Variants in FGFR1 observed in about 807,000 individuals in gnomAD.
FGFR1 encodes the protein FGFR1/PLAG1 fusion.
A neutral mutation model predicts 93.7 loss-of-function variants in FGFR1; 18 were observed. The ratio of observed to expected loss-of-function variants is 0.19; its 90% CI spans 0.13 to 0.28. The LOEUF is 0.28. Among genes scored for constraint, FGFR1 ranks in the 10% least tolerant of loss-of-function variants. The pLI, the probability that FGFR1 is intolerant of heterozygous loss-of-function variation, is 1.00. For missense variants in FGFR1, 731 were observed against 1,080.4 expected (o/e 0.68, Z 4.53); for synonymous variants, 448 against 429.3 (o/e 1.04, Z -0.54).
At chr8:38,448,535 A>C (rs1830099085) in intron 2 of FGFR1, among the ~76,000 whole-genome samples, 1 of 152,192 alleles carries the variant, frequency 6.6e-6, no homozygotes, top group Non-Finnish European at 1.5e-5. Context: ...CCTAAACACT[A>C]ATGTTTTTAA....
At position 38,413,527 on chromosome 8, in the gene FGFR1, G is replaced by A. The variant is rs1048870079; in HGVS notation, c.*101C>T. ...CCTGGTAGGCAGCCGGCTCCTGCCA[G>A]CAGGAAAGGGGACAGGGACGGACAG... On this transcript the variant is annotated 3_prime_UTR_variant, in exon 18 of 18. Coordinates refer to ENST00000447712, the MANE Select transcript of FGFR1 (RefSeq NM_023110.3). This position sits in a 1 kb window ranked among gnomAD's most constrained non-coding sequence, Gnocchi z 4.2. The A allele has an allele frequency of 1.8e-5, 25 of 1,364,510 alleles. No homozygotes were observed. The highest frequency in any genetic ancestry group is 2.5e-5 in the Non-Finnish European group (25 of 1,006,786). 84.5% of individuals were successfully genotyped at this position (1,364,510 alleles called of 1,614,324 possible). A position where few individuals can be genotyped will look rare whatever the true frequency, so the allele number is the denominator to read the frequency against.
rs929652203 is a variant in FGFR1 at position 38,411,694 on chromosome 8, T to A, written c.*1934A>T. 5 of 230,640 alleles carry A rather than the reference T, an allele frequency of 2.2e-5. No individual in the cohort carries two copies. Among genetic ancestry groups the A allele is most frequent in the African/African-American group, 1.1e-4 (5 of 45,152 alleles). 14.3% of individuals were successfully genotyped at this position (230,640 alleles called of 1,614,324 possible). A position where few individuals can be genotyped will look rare whatever the true frequency, so the allele number is the denominator to read the frequency against. The stretch of plus-strand genomic sequence containing the variant: ...AGGAGTGGTAGTTTGAGCCATGAGG[T>A]ACGGGGGAGCCAGAATCCACTTAGT... On this transcript the variant is annotated 3_prime_UTR_variant, in exon 18 of 18. Transcript: ENST00000447712.
At chr8:38,420,232 C>T (rs932143517) in intron 8 of FGFR1, 41 of 175,574 alleles carry the variant, frequency 2.3e-4, no homozygotes, top group Middle Eastern at 2.7e-3. Flanking sequence ...GTTGGTGCCT[C>T]GTTTATTTCT....
chr8:38,460,927 G>A (rs551718941), intron 1 of FGFR1, among the ~76,000 whole-genome samples: 20 of 152,088 alleles, frequency 1.3e-4, no homozygotes, highest in African/African-American at 4.3e-4. Context: ...AGCCTTGCAG[G>A]TGTACACAGC....
chr8:38,436,679 G>A (rs1825562200), intron 2 of FGFR1, among the ~76,000 whole-genome samples: 1 of 151,634 alleles, frequency 6.6e-6, no homozygotes, highest in African/African-American at 2.4e-5. Context: ...AAGGAATTAG[G>A]AGCCCACCGG....
chr8:38,461,430 A>G (rs1356108822), intron 1 of FGFR1, among the ~76,000 whole-genome samples: 1 of 152,114 alleles, frequency 6.6e-6, no homozygotes, highest in East Asian at 1.9e-4. Context: ...CATCCCCCAG[A>G]CTCAAGTGAT....
chr8:38,446,393 T>C (rs1187741434), intron 2 of FGFR1, among the ~76,000 whole-genome samples: 3 of 150,396 alleles, frequency 2.0e-5, no homozygotes, highest in Non-Finnish European at 4.4e-5. Context: ...TGTATTTTAG[T>C]AGAAACAGGG....
rs1370490922 is a variant in FGFR1 at position 38,424,584 on chromosome 8, G to A, written c.861C>T (p.Ile287=). ...CKVYSDPQPH[I]QWLKHIEVNG... Reference sequence around the variant, plus strand: ...TCACCTCGATGTGCTTTAGCCACTGGATGTGCGGCTGCGGGTCACTGTACA... The same window carrying A: ...TCACCTCGATGTGCTTTAGCCACTGAATGTGCGGCTGCGGGTCACTGTACA... Residue 287 remains isoleucine (I), a synonymous_variant, in exon 7 of 18, where the codon ATC becomes ATT. Coordinates refer to ENST00000447712, the MANE Select transcript of FGFR1 (RefSeq NM_023110.3). This position sits in a 1 kb window ranked among gnomAD's most constrained non-coding sequence, Gnocchi z 4.3. 4 of 1,614,246 alleles carry A rather than the reference G, an allele frequency of 2.5e-6. No homozygotes were observed. Among genetic ancestry groups the A allele is most frequent in the Middle Eastern group, 3.3e-4 (2 of 6,062 alleles).
Position 38,453,875 on chromosome 8 carries a change from G to A in FGFR1, c.91+3481C>T, listed in dbSNP as rs138210091. On this transcript the variant is annotated intron_variant, in intron 2 of 17. Coordinates refer to ENST00000447712, the MANE Select transcript of FGFR1 (RefSeq NM_023110.3). ...CCACTGCATTCCAGCCTGGGCAACA[G>A]AGTGAAACTCTGTCTCTTAAAACCA... is the stretch of plus-strand genomic sequence containing the variant. Among the ~76,000 whole-genome samples, 501 of 152,224 alleles carry A rather than the reference G, an allele frequency of 3.3e-3. 3 individuals are homozygous for A. The highest frequency in any genetic ancestry group is 0.012 in the African/African-American group (484 of 41,524).
chr8:38,457,683 A>AATGAATT (rs2151360113), intron 1 of FGFR1, 149 bp from the exon 2 acceptor site: 2 of 730,024 alleles, frequency 2.7e-6, no homozygotes, highest in East Asian at 5.4e-5. Flanking sequence ...CTACCCCAAC[A>AATGAATT]ATGAATTAGA....
chr8:38,447,567 C>T (rs1020642753), intron 2 of FGFR1, among the ~76,000 whole-genome samples: 4 of 152,130 alleles, frequency 2.6e-5, no homozygotes, highest in African/African-American at 9.7e-5. Flanking sequence ...CTGCAACCTC[C>T]ACCTCCTGGG....
Position 38,429,500 on chromosome 8 carries a change from A to T in FGFR1, c.358+182T>A. The stretch of plus-strand genomic sequence containing the variant: ...TCCGGCCCTGGGGCCCACCCCACCT[A>T]GTCACCTCTCTGAGAGCCAAGCCAC... On this transcript the variant is annotated intron_variant, in intron 3 of 17. Coordinates refer to ENST00000447712, the MANE Select transcript of FGFR1 (RefSeq NM_023110.3). This position sits in a 1 kb window ranked among gnomAD's most constrained non-coding sequence, Gnocchi z 4.4. 1.3e-6 allele frequency: 1 copy of T among 752,044 alleles called. No individual in the cohort carries two copies. The highest frequency in any genetic ancestry group is 2.3e-6 in the Non-Finnish European group (1 of 438,078). The allele number at this position is 752,044 out of a possible 1,614,324, so 46.6% of individuals were successfully genotyped here.
chr8:38,437,322 G>A (rs1364489325), intron 2 of FGFR1, among the ~76,000 whole-genome samples: 1 of 152,190 alleles, frequency 6.6e-6, no homozygotes, highest in Non-Finnish European at 1.5e-5. Context: ...TTGTCACTGT[G>A]CAAGGAGAAA....
chr8:38,411,587 C>T lies in FGFR1; in HGVS notation c.*2041G>A, dbSNP rs183426730. The T allele has an allele frequency of 4.4e-6, 1 of 228,554 alleles. No homozygotes were observed. The highest frequency in any genetic ancestry group is 6.3e-5 in the East Asian group (1 of 15,926). The allele number at this position is 228,554 out of a possible 1,614,324, so 14.2% of individuals were successfully genotyped here. On this transcript the variant is annotated 3_prime_UTR_variant, in exon 18 of 18. Coordinates refer to ENST00000447712, the MANE Select transcript of FGFR1 (RefSeq NM_023110.3). ...AAATTTAAAGCAGCAATCCCATTTT[C>T]CCTACAGAAATGAAAACATATTGAA...
chr8:38,414,324 C>T (rs2150539884), intron 15 of FGFR1, 35 bp from the exon 16 acceptor site: 1 of 1,613,892 alleles, frequency 6.2e-7, no homozygotes, highest in Non-Finnish European at 8.5e-7. Context: ...GGTGTTAGAG[C>T]TTCTCCGCCT....
rs1563487013 is a variant in FGFR1, at chr8:38,424,407, TC to T, written c.936+101del. Reference sequence around the variant, plus strand: ...TGTGTGCCTGAAGCGTGAGGAATGATCCCATTCGGGGGCAACTGAGCCTGCC... The same window carrying T: ...TGTGTGCCTGAAGCGTGAGGAATGATCCATTCGGGGGCAACTGAGCCTGCC... On this transcript the variant is annotated intron_variant, in intron 7 of 17. Coordinates refer to ENST00000447712, the MANE Select transcript of FGFR1 (RefSeq NM_023110.3). The surrounding 1 kb of genome is among the most constrained non-coding windows in gnomAD (Gnocchi z 4.3). 1 of 1,260,488 alleles carries T rather than the reference TC, an allele frequency of 7.9e-7. No individual in the cohort carries two copies. The highest frequency in any genetic ancestry group is 1.2e-6 in the Non-Finnish European group (1 of 862,558). 78.1% of individuals were successfully genotyped at this position (1,260,488 alleles called of 1,614,324 possible). A position where few individuals can be genotyped will look rare whatever the true frequency, so the allele number is the denominator to read the frequency against.
At chr8:38,430,126 G>A (rs919620941) in intron 2 of FGFR1, 178 bp from the exon 3 acceptor site, 7 of 631,244 alleles carry the variant, frequency 1.1e-5, no homozygotes, top group African/African-American at 1.1e-4. Context: ...GGGTCAGTGG[G>A]GAAAACAGCT....
At chr8:38,438,826 AC>A (rs1192641121) in intron 2 of FGFR1, among the ~76,000 whole-genome samples, 5 of 151,498 alleles carry the variant, frequency 3.3e-5, no homozygotes, top group Non-Finnish European at 5.9e-5. Flanking sequence ...CCTGCATCCT[AC>A]CTCCTCCCGT....
intron 2 of FGFR1, among the ~76,000 whole-genome samples, chr8:38,441,918 T>C (rs1200202795): frequency 6.6e-6 from 1 of 152,198 alleles, no homozygotes; most frequent in Non-Finnish European, 1.5e-5. Flanking sequence ...AACTCATCTA[T>C]TATGACTTGA....
Sources: allele counts gnomAD v4.1 joint callset (sites outside exome capture counted in the v4.1 genomes callset), GRCh38; gene constraint gnomAD v4.1.1; non-coding constraint Gnocchi (gnomAD v3.1); transcripts MANE v1.5; gene names NCBI Gene and HGNC (gene_info 2026-07-23, HGNC 2026-07-21).